DPYS: variants seen among roughly 807,000 people sequenced by gnomAD.
The protein encoded by DPYS is dihydropyrimidinase.
In DPYS, 39 loss-of-function variants were observed where a neutral mutation model predicts 50.3. The observed-to-expected ratio is 0.78, with a 90% CI of 0.60 to 1.01. The LOEUF (loss-of-function observed/expected upper bound fraction) is 1.01. Ranked by LOEUF, DPYS falls within the 50% of genes least tolerant of loss-of-function variation. DPYS has a pLI of 0.00. For synonymous variants in DPYS, 245 were observed against 250.7 expected (o/e 0.98, Z 0.22); for missense variants, 659 against 680.9 (o/e 0.97, Z 0.36).
intron 7 of DPYS, among the ~76,000 whole-genome samples, chr8:104,403,210 G>C (rs1272940336): frequency 6.6e-6 from 1 of 152,164 alleles, no homozygotes; most frequent in South Asian, 2.1e-4. Flanking sequence ...GATCCAGCAA[G>C]GCTCCCATTG....
chr8:104,383,316 T>C (rs1331066261), intron 8 of DPYS, among the ~76,000 whole-genome samples: 1 of 152,222 alleles, frequency 6.6e-6, no homozygotes, highest in East Asian at 1.9e-4. Context: ...TCTAGGAAGC[T>C]TTGGCCCTCT....
At chr8:104,442,938 T>G (rs1428093899) in intron 4 of DPYS, among the ~76,000 whole-genome samples, 2 of 152,200 alleles carry the variant, frequency 1.3e-5, no homozygotes, top group Non-Finnish European at 2.9e-5. Flanking sequence ...GGCACATGCC[T>G]GTGGTCCCAG....
At chr8:104,464,021 A>G (rs1814263317) in intron 1 of DPYS, among the ~76,000 whole-genome samples, 1 of 152,196 alleles carries the variant, frequency 6.6e-6, no homozygotes, top group East Asian at 1.9e-4. Flanking sequence ...ATTGCAACAC[A>G]GCCCCTTTGT....
chr8:104,419,735 T>C (rs1268168812), intron 7 of DPYS: 1 of 152,176 alleles, frequency 6.6e-6, no homozygotes, highest in Admixed American at 6.5e-5. Context: ...TCCTCAAAAC[T>C]GTCATGGTCA....
At chr8:104,435,665 C>T (rs557126430) in intron 4 of DPYS, among the ~76,000 whole-genome samples, 1 of 152,170 alleles carries the variant, frequency 6.6e-6, no homozygotes, top group Non-Finnish European at 1.5e-5. Context: ...CTGTAACCTG[C>T]TTTTCACTTT....
At chr8:104,398,919 C>A (rs554994567) in intron 7 of DPYS, among the ~76,000 whole-genome samples, 1 of 152,212 alleles carries the variant, frequency 6.6e-6, no homozygotes, top group Admixed American at 6.5e-5. Flanking sequence ...CACATAACCT[C>A]CCCTGCAGAG....
chr8:104,407,285 C>G (rs2140561549), intron 7 of DPYS, among the ~76,000 whole-genome samples: 1 of 152,328 alleles, frequency 6.6e-6, no homozygotes, highest in African/African-American at 2.4e-5. Flanking sequence ...GTGTCTCTCA[C>G]TATAAGTGAT....
At position 104,429,544 on chromosome 8, in the gene DPYS, C is replaced by T; in HGVS notation, c.950+1G>A. ...TTCCCAGTCATCTGCAAAATGATTACTTAGCCAACAGATTCATGAGGAAGT... is the reference window on the plus strand; with the variant it reads ...TTCCCAGTCATCTGCAAAATGATTATTTAGCCAACAGATTCATGAGGAAGT... On this transcript the variant is annotated splice_donor_variant, in intron 5 of 9. Transcript: ENST00000351513. LOFTEE classifies it high-confidence loss of function. The T allele has an allele frequency of 1.2e-6, 2 of 1,614,032 alleles. 1 individual carries two copies. The highest frequency in any genetic ancestry group is 3.3e-5 in the Admixed American group (2 of 60,000).
intron 7 of DPYS, among the ~76,000 whole-genome samples, chr8:104,412,474 T>C (rs1450822306): frequency 6.6e-6 from 1 of 152,138 alleles, no homozygotes; most frequent in African/African-American, 2.4e-5. Context: ...ATTTCAAGCA[T>C]TGTGTGTGCG....
intron 4 of DPYS, among the ~76,000 whole-genome samples, chr8:104,430,936 A>C (rs763890594): frequency 7.2e-5 from 11 of 151,930 alleles, no homozygotes; most frequent in Non-Finnish European, 1.3e-4. Context: ...ACCATTAGCA[A>C]CTCTTTCTAA....
chr8:104,453,399 C>G (rs2140743902), intron 1 of DPYS, among the ~76,000 whole-genome samples: 1 of 152,254 alleles, frequency 6.6e-6, no homozygotes, highest in South Asian at 2.1e-4. Context: ...AGTGTCTTCC[C>G]AGTATGACAA....
intron 6 of DPYS, among the ~76,000 whole-genome samples, chr8:104,426,437 G>A (rs1469555645): frequency 1.3e-5 from 2 of 152,182 alleles, no homozygotes; most frequent in Admixed American, 6.5e-5. Flanking sequence ...GACCAGCTGT[G>A]AGATTACTGC....
At chr8:104,410,487 C>A (rs150729734) in intron 7 of DPYS, among the ~76,000 whole-genome samples, 1 of 152,088 alleles carries the variant, frequency 6.6e-6, no homozygotes, top group Admixed American at 6.5e-5. Flanking sequence ...AAACTGAGAG[C>A]GCTTCCAAGG....
intron 7 of DPYS, 108 bp downstream of exon 7, chr8:104,424,139 A>C: frequency 6.3e-7 from 1 of 1,596,736 alleles, no homozygotes; most frequent in Non-Finnish European, 8.6e-7. Context: ...GCACAGCTAA[A>C]GAAGTCATCT....
chr8:104,397,114 T>C (rs770006997), intron 7 of DPYS, among the ~76,000 whole-genome samples: 3 of 152,202 alleles, frequency 2.0e-5, no homozygotes, highest in African/African-American at 4.8e-5. Flanking sequence ...TCTGAATCCT[T>C]GCACATGAAG....
At chr8:104,438,668 G>A (rs1813236228) in intron 4 of DPYS, among the ~76,000 whole-genome samples, 1 of 152,142 alleles carries the variant, frequency 6.6e-6, no homozygotes, top group African/African-American at 2.4e-5. Context: ...GACAAAGCAT[G>A]GAAGACCTAA....
intron 1 of DPYS, among the ~76,000 whole-genome samples, chr8:104,456,591 TA>T (rs770760518): frequency 1.3e-5 from 2 of 152,240 alleles, no homozygotes; most frequent in African/African-American, 2.4e-5. Flanking sequence ...GGAGAAGCTG[TA>T]TTGAATGGGA....
At chr8:104,433,556 C>A (rs1161579122) in intron 4 of DPYS, among the ~76,000 whole-genome samples, 1 of 151,988 alleles carries the variant, frequency 6.6e-6, no homozygotes, top group African/African-American at 2.4e-5. Context: ...ATCACTTGAA[C>A]CCAAAAGGTA....
At chr8:104,454,418 C>T (rs539381700) in intron 1 of DPYS, among the ~76,000 whole-genome samples, 1 of 152,230 alleles carries the variant, frequency 6.6e-6, no homozygotes, top group South Asian at 2.1e-4. Context: ...AAGTATTCTA[C>T]AATTGATTGT....
Sources: gnomAD v4.1 joint callset for allele counts (sites outside exome capture counted in the v4.1 genomes callset) on GRCh38, gnomAD v4.1.1 for gene constraint, MANE v1.5 for transcripts, NCBI Gene and HGNC (gene_info 2026-07-23, HGNC 2026-07-21) for gene names.